GLYR1: variants seen among roughly 807,000 people sequenced by gnomAD.
GLYR1 encodes glyoxylate reductase 1 homolog.
A neutral mutation model predicts 72.7 loss-of-function variants in GLYR1; 21 were observed. The ratio of observed to expected loss-of-function variants is 0.29; its 90% CI spans 0.20 to 0.42. The LOEUF (loss-of-function observed/expected upper bound fraction) is 0.42, where lower values mean the gene tolerates loss of function less well. Ranked by LOEUF, GLYR1 falls within the 10% of genes least tolerant of loss-of-function variation. GLYR1 has a pLI of 1.00. For missense variants in GLYR1, 594 were observed against 712.1 expected (o/e 0.83, Z 1.89); for synonymous variants, 392 against 270.2 (o/e 1.45, Z -4.42).
chr16:4,807,916 G>C (rs193246114), intron 15 of GLYR1, among the ~76,000 whole-genome samples: 1 of 152,166 alleles, frequency 6.6e-6, no homozygotes, highest in African/African-American at 2.4e-5. Flanking sequence ...CTGAAATGTT[G>C]AAACAGACAA....
intron 3 of GLYR1, among the ~76,000 whole-genome samples, chr16:4,844,677 C>G (rs1413565838): frequency 6.6e-6 from 1 of 152,218 alleles, no homozygotes; most frequent in African/African-American, 2.4e-5. Context: ...GAGAGAACCG[C>G]TTGAGTCAGT....
intron 2 of GLYR1, among the ~76,000 whole-genome samples, 194 bp downstream of exon 2, chr16:4,845,980 G>A (rs1156642448): frequency 1.3e-5 from 2 of 152,184 alleles, no homozygotes; most frequent in African/African-American, 4.8e-5. Flanking sequence ...TAAGGGTTTA[G>A]AGAAGATTTA....
chr16:4,846,313 C>CA, intron 1 of GLYR1, 103 bp from the exon 2 acceptor site: 2 of 1,294,532 alleles, frequency 1.5e-6, no homozygotes, highest in Non-Finnish European at 2.2e-6. Flanking sequence ...TGCTGGCATC[C>CA]TCAAATGCCG....
chr16:4,812,700 C>A (rs2083390160), intron 12 of GLYR1, among the ~76,000 whole-genome samples: 1 of 151,458 alleles, frequency 6.6e-6, no homozygotes, highest in Admixed American at 6.6e-5. Context: ...ACCATATTAG[C>A]CAGGATTGTC....
rs1379622298 is a variant in GLYR1 at position 4,803,353 on chromosome 16, C to G, written c.*1883G>C. The G allele has an allele frequency of 6.6e-6, 1 of 152,528 alleles. No individual in the cohort carries two copies. The highest frequency in any genetic ancestry group is 1.5e-5 in the Non-Finnish European group (1 of 68,026). 9.4% of individuals were successfully genotyped at this position (152,528 alleles called of 1,614,324 possible). A position where few individuals can be genotyped will look rare whatever the true frequency, so the allele number is the denominator to read the frequency against. On this transcript the variant is annotated 3_prime_UTR_variant, in exon 16 of 16. Coordinates refer to ENST00000321919, the MANE Select transcript of GLYR1 (RefSeq NM_032569.4). ...ACAAAGCAAAAATAAAAATTCACAA[C>G]CTTAATTACCTAGATTTGTCATTTA...
At chr16:4,846,241 C>T in intron 1 of GLYR1, 31 bp from the exon 2 acceptor site, 1 of 1,612,576 alleles carries the variant, frequency 6.2e-7, no homozygotes, top group Non-Finnish European at 8.5e-7. Context: ...CAACACTTGC[C>T]CTGCAAAAGC....
chr16:4,841,705 G>A (rs1258426318), intron 3 of GLYR1, among the ~76,000 whole-genome samples: 1 of 152,008 alleles, frequency 6.6e-6, no homozygotes, highest in Admixed American at 6.6e-5. Flanking sequence ...TGGCTTTCAG[G>A]CTCCTTATGA....
chr16:4,811,583 C>G (rs766291160), intron 14 of GLYR1, 40 bp downstream of exon 14: 4 of 1,610,152 alleles, frequency 2.5e-6, no homozygotes, highest in African/African-American at 2.7e-5. Context: ...CTGCTCTAAT[C>G]AAACACCAAA....
chr16:4,840,861 C>T (rs922853610), intron 3 of GLYR1, among the ~76,000 whole-genome samples: 1 of 152,208 alleles, frequency 6.6e-6, no homozygotes, highest in African/African-American at 2.4e-5. Flanking sequence ...ATCTGGAGAT[C>T]TTACCTTCAT....
At chr16:4,843,838 G>T in intron 3 of GLYR1, 1 of 173,378 alleles carries the variant, frequency 5.8e-6, no homozygotes, top group Non-Finnish European at 1.1e-5. Flanking sequence ...GCTCTTGCCT[G>T]TAATCCCAGC....
At chr16:4,834,272 A>C (rs1035753854) in intron 3 of GLYR1, among the ~76,000 whole-genome samples, 13 of 151,568 alleles carry the variant, frequency 8.6e-5, no homozygotes, top group African/African-American at 3.2e-4. Flanking sequence ...GCACAGCTCC[A>C]ACTAGAGGAG....
At chr16:4,810,342 CA>C (rs2141948977) in intron 15 of GLYR1, among the ~76,000 whole-genome samples, 1 of 148,846 alleles carries the variant, frequency 6.7e-6, no homozygotes, top group East Asian at 2.1e-4. Flanking sequence ...ACTAAAAATA[CA>C]AAAATTAGCA....
rs2082896345 is a variant in GLYR1, at chr16:4,805,183, G to C, written c.*53C>G. The C allele has an allele frequency of 6.8e-7, 1 of 1,470,092 alleles. No homozygotes were observed. Among genetic ancestry groups the C allele is most frequent in the African/African-American group, 1.4e-5 (1 of 72,102 alleles). The allele number at this position is 1,470,092 out of a possible 1,614,324, so 91.1% of individuals were successfully genotyped here. A position where few individuals can be genotyped will look rare whatever the true frequency, so the allele number is the denominator to read the frequency against. On this transcript the variant is annotated 3_prime_UTR_variant, in exon 16 of 16. Coordinates refer to ENST00000321919, the MANE Select transcript of GLYR1 (RefSeq NM_032569.4). ...CTCCCAGGCCCCCGACCCCATGTGA[G>C]GAAGAGGGGGTCAGAGGGGGGATTG...
In GLYR1 at chr16:4,814,509, T is replaced by C. The variant is rs375677724; in HGVS notation, c.1017+28A>G. The C allele has an allele frequency of 6.6e-5, 102 of 1,555,350 alleles. No individual in the cohort carries two copies. In the African/African-American group the frequency reaches 1.2e-3, roughly 18 times the overall value. ...CAGCAATCCTGGCTGTGACCCGGAG[T>C]TGCTGAGGGGAGGGAGGGGGTCCTT... On this transcript the variant is annotated intron_variant, in intron 11 of 15. Transcript: ENST00000321919.
At chr16:4,818,785 G>C (rs968099180) in intron 9 of GLYR1, among the ~76,000 whole-genome samples, 4 of 152,110 alleles carry the variant, frequency 2.6e-5, no homozygotes, top group African/African-American at 9.7e-5. Flanking sequence ...CCAAAGCTAA[G>C]TCCTTCACCT....
In GLYR1 at chr16:4,837,288, C is replaced by G. The variant is rs568050937; in HGVS notation, c.156-4376G>C. ...CTCTACCAGAAAACACAAAAATTAG[C>G]CAGTTGTGGTAGCACACGTCTGTAA... On this transcript the variant is annotated intron_variant, in intron 3 of 15. Transcript: ENST00000321919. Among the ~76,000 whole-genome samples, 155 of 152,132 alleles carry G rather than the reference C, an allele frequency of 1.0e-3. 1 individual carries two copies. The highest frequency in any genetic ancestry group is 3.6e-3 in the African/African-American group (151 of 41,504).
chr16:4,815,717 A>G (rs574858026), intron 10 of GLYR1, among the ~76,000 whole-genome samples: 1 of 152,364 alleles, frequency 6.6e-6, no homozygotes, highest in Non-Finnish European at 1.5e-5. Context: ...AAAACTACAA[A>G]TAAGTGCCCA....
chr16:4,814,739 G>A (rs905785398), intron 10 of GLYR1, 92 bp from the exon 11 acceptor site: 8 of 1,003,610 alleles, frequency 8.0e-6, no homozygotes, highest in South Asian at 2.8e-5. Context: ...GCCTCCTGGC[G>A]GCCTACCAAG....
chr16:4,816,140 A>T (rs940279100), intron 10 of GLYR1, among the ~76,000 whole-genome samples: 2 of 151,658 alleles, frequency 1.3e-5, no homozygotes, highest in Non-Finnish European at 2.9e-5. Flanking sequence ...TTTGTGAGCC[A>T]TTTTTTTGTC....
Sources: allele counts gnomAD v4.1 joint callset (sites outside exome capture counted in the v4.1 genomes callset), GRCh38; gene constraint gnomAD v4.1.1; transcripts MANE v1.5; gene names NCBI Gene and HGNC (gene_info 2026-07-23, HGNC 2026-07-21).